The following ABCG1 variants were observed in gnomAD, a reference collection of about 807,000 sequenced individuals.
ABCG1 encodes the protein ATP binding cassette subfamily G member 1.
ABCG1 carries 29 observed loss-of-function variants against 69.2 expected under a neutral mutation model. The ratio of observed to expected loss-of-function variants is 0.42; its 90% confidence interval spans 0.31 to 0.57. The LOEUF (loss-of-function observed/expected upper bound fraction) is 0.57, where lower values mean the gene tolerates loss of function less well. ABCG1 is among the 20% of genes least tolerant of loss of function. The probability of loss-of-function intolerance (pLI) is 0.15; values close to 1 mark genes in which losing one functional copy is unlikely to be tolerated. For missense variants in ABCG1, 718 were observed against 898.1 expected (o/e 0.80, Z 2.56); for synonymous variants, 370 against 374.8 (o/e 0.99, Z 0.15).
chr21:42,252,093 T>C (rs1319385211), intron 2 of ABCG1, among the ~76,000 whole-genome samples: 1 of 152,222 alleles, frequency 6.6e-6, no homozygotes, highest in East Asian at 1.9e-4. Context: ...TTCTTGGATG[T>C]GGCCATGCAC....
At position 42,296,489 on chromosome 21, in the gene ABCG1, G is replaced by T; in HGVS notation, c.*97G>T. On this transcript the variant is annotated 3_prime_UTR_variant, in exon 15 of 15. Transcript: ENST00000398449. The surrounding 1 kb of genome is among the most constrained non-coding windows in gnomAD (Gnocchi z 5.4). ...GCCTGTGCCCGACCGACGACACAGA[G>T]ACTCTTCTGATCCAACCCCTAGAAC... The T allele has an allele frequency of 8.9e-7, 1 of 1,118,412 alleles. No individual in the cohort carries two copies. The highest frequency in any genetic ancestry group is 1.3e-6 in the Non-Finnish European group (1 of 770,164). The allele number at this position is 1,118,412 out of a possible 1,614,324, so 69.3% of individuals were successfully genotyped here.
At chr21:42,199,751 A>G (rs1207425173) in exon 1 of ABCG1, 2 of 152,232 alleles carry the variant, frequency 1.3e-5, no homozygotes, top group Non-Finnish European at 2.9e-5. Context: ...GAAAACTGAA[A>G]TTTTGTCCCA....
chr21:42,281,026 G>C lies in ABCG1; in HGVS notation c.589-1248G>C, dbSNP rs142529288. Among the ~76,000 whole-genome samples, 1,099 of 152,366 alleles carry C rather than the reference G, an allele frequency of 7.2e-3. 18 individuals are homozygous for C. Among genetic ancestry groups the C allele is most frequent in the African/African-American group, 0.025 (1,059 of 41,582 alleles). On this transcript the variant is annotated intron_variant, in intron 5 of 14. Transcript: ENST00000398449. The stretch of plus-strand genomic sequence containing the variant: ...GGCATCAGCAAGGAGGTTCAGGACA[G>C]GGCTGGAGCCCAGGTCGGCTGACCC...
intron 5 of ABCG1, among the ~76,000 whole-genome samples, chr21:42,279,385 C>T (rs1003878368): frequency 6.6e-6 from 1 of 152,098 alleles, no homozygotes; most frequent in African/African-American, 2.4e-5. Flanking sequence ...AGGCGGAGGG[C>T]GGAGAGACTT....
In ABCG1 at chr21:42,296,040, G is replaced by A. The variant is rs767022243; in HGVS notation, c.1773-124G>A. 2.4e-4 allele frequency: 178 copies of A among 734,940 alleles called. No homozygotes were observed. Among genetic ancestry groups the A allele is most frequent in the Non-Finnish European group, 3.9e-4 (163 of 420,102 alleles). The allele number at this position is 734,940 out of a possible 1,614,324, so 45.5% of individuals were successfully genotyped here. A position where few individuals can be genotyped will look rare whatever the true frequency, so the allele number is the denominator to read the frequency against. ...GGTGAGGAAGTATTCTGGGGAAGGCGGCCCTTTGGGAAGGGAGGATAGCCA... is the reference window on the plus strand; with the variant it reads ...GGTGAGGAAGTATTCTGGGGAAGGCAGCCCTTTGGGAAGGGAGGATAGCCA... On this transcript the variant is annotated intron_variant, in intron 14 of 14. Coordinates refer to ENST00000398449, the MANE Select transcript of ABCG1 (RefSeq NM_016818.3). This position sits in a 1 kb window ranked among gnomAD's most constrained non-coding sequence, Gnocchi z 5.4.
rs762373789 is a variant in ABCG1, at chr21:42,282,340, G to A, written c.655G>A (p.Gly219Ser). 5 of 1,613,770 alleles carry A rather than the reference G, an allele frequency of 3.1e-6. No homozygotes were observed. Among genetic ancestry groups the A allele is most frequent in the African/African-American group, 1.3e-5 (1 of 75,072 alleles). ...CAACACGCGGACCGGGAGCCTGTCA[G>A]GTGGTCAGCGCAAGCGCCTGGCCAT... ...CANTRTGSLS[G>S]GQRKRLAIAL... The change falls in exon 6 of 15, where the codon GGT becomes AGT. Residue 219 changes from glycine (G) to serine (S), a missense_variant. Coordinates refer to ENST00000398449, the MANE Select transcript of ABCG1 (RefSeq NM_016818.3).
intron 13 of ABCG1, among the ~76,000 whole-genome samples, chr21:42,294,047 T>C (rs1261753872): frequency 1.3e-5 from 2 of 151,912 alleles, no homozygotes; most frequent in Non-Finnish European, 2.9e-5. Context: ...CTGTGCTCAC[T>C]GTGAACCCTG....
At chr21:42,286,104 A>T (rs992554426) in intron 8 of ABCG1, 110 bp downstream of exon 8, 1 of 743,544 alleles carries the variant, frequency 1.3e-6, no homozygotes, top group African/African-American at 1.8e-5. Flanking sequence ...TACCACAAAT[A>T]GCTCAAGTGT....
intron 2 of ABCG1, among the ~76,000 whole-genome samples, chr21:42,250,218 T>C (rs1432412733): frequency 6.6e-6 from 1 of 152,120 alleles, no homozygotes; most frequent in East Asian, 1.9e-4. Flanking sequence ...GCTGCGCGTG[T>C]TGACCTTCTC....
intron 2 of ABCG1, among the ~76,000 whole-genome samples, chr21:42,234,058 A>C (rs2067940153): frequency 6.6e-6 from 1 of 152,174 alleles, no homozygotes; most frequent in Non-Finnish European, 1.5e-5. Flanking sequence ...ATTAAAAATA[A>C]CTGGTGTTTA....
intron 4 of ABCG1, among the ~76,000 whole-genome samples, chr21:42,274,637 G>A (rs758380538): frequency 2.0e-5 from 3 of 152,116 alleles, no homozygotes; most frequent in Non-Finnish European, 2.9e-5. Context: ...ACCATGCCCG[G>A]CTGATTTGTG....
chr21:42,294,946 C>T (rs1033540857), intron 14 of ABCG1: 18 of 366,028 alleles, frequency 4.9e-5, no homozygotes, highest in African/African-American at 2.3e-4. Flanking sequence ...TCGGTGGAAG[C>T]GCTTCCATCT....
intron 2 of ABCG1, among the ~76,000 whole-genome samples, chr21:42,205,227 C>T (rs548875003): frequency 9.9e-5 from 15 of 152,202 alleles, no homozygotes; most frequent in African/African-American, 3.4e-4. Context: ...GTAGTGATGT[C>T]GCTTGCTCCA....
intron 2 of ABCG1, among the ~76,000 whole-genome samples, chr21:42,266,736 G>A (rs574421223): frequency 6.6e-6 from 1 of 152,316 alleles, no homozygotes; most frequent in South Asian, 2.1e-4. Context: ...GGCTCATAGA[G>A]CATTTGCTTC....
intron 2 of ABCG1, among the ~76,000 whole-genome samples, chr21:42,250,711 C>T (rs1215936025): frequency 6.6e-6 from 1 of 152,222 alleles, no homozygotes; most frequent in Non-Finnish European, 1.5e-5. Flanking sequence ...CGGTACCCTC[C>T]ATGTGGGCCA....
intron 2 of ABCG1, among the ~76,000 whole-genome samples, chr21:42,203,263 C>T (rs1438845465): frequency 6.6e-6 from 1 of 152,174 alleles, no homozygotes; most frequent in Non-Finnish European, 1.5e-5. Flanking sequence ...GTTATTAACA[C>T]TTTTCGTCTT....
intron 14 of ABCG1, among the ~76,000 whole-genome samples, chr21:42,295,939 G>A (rs997307482): frequency 1.3e-5 from 2 of 152,046 alleles, no homozygotes; most frequent in African/African-American, 2.4e-5. Context: ...TTTTGCTGGG[G>A]GCCCTGGAGG....
intron 2 of ABCG1, chr21:42,256,455 A>G (rs2068306846): frequency 6.5e-7 from 1 of 1,549,662 alleles, no homozygotes; most frequent in Admixed American, 2.0e-5. Context: ...GCCGCAGAGT[A>G]TCCACACCCT....
At chr21:42,203,021 G>A (rs116237155) in intron 2 of ABCG1, among the ~76,000 whole-genome samples, 2,751 of 152,242 alleles carry the variant, frequency 0.018, 85 homozygotes, top group African/African-American at 0.062. Context: ...CCCACTCAAA[G>A]ATACAAAGCA....
Sources: allele counts gnomAD v4.1 joint callset (sites outside exome capture counted in the v4.1 genomes callset), GRCh38; gene constraint gnomAD v4.1.1; non-coding constraint Gnocchi (gnomAD v3.1); transcripts MANE v1.5; gene names NCBI Gene and HGNC (gene_info 2026-07-23, HGNC 2026-07-21).